Variants in OGG1 observed in about 807,000 individuals in gnomAD.
The protein encoded by OGG1 is N-glycosylase/DNA lyase.
In OGG1, 35 loss-of-function variants were observed where a neutral mutation model predicts 42.3. The ratio of observed to expected loss-of-function variants is 0.83; its 90% CI spans 0.63 to 1.10. OGG1 has a LOEUF of 1.10. OGG1 is among the 50% of genes least tolerant of loss of function. OGG1 has a pLI of 0.00. For synonymous variants in OGG1, 189 were observed against 179.0 expected, an observed-to-expected ratio of 1.06 and a Z score of -0.44; for missense variants, 484 against 446.7, an observed-to-expected ratio of 1.08 and a Z score of -0.75.
At chr3:9,766,185 G>A (rs1243771905) in exon 8 of OGG1, 13 of 822,626 alleles carry the variant, frequency 1.6e-5, no homozygotes, top group Middle Eastern at 2.2e-4. Context: ...AGCTAATGGC[G>A]ATCATCTTTG....
chr3:9,753,819 A>T (rs776951854), intron 3 of OGG1, among the ~76,000 whole-genome samples: 1 of 152,240 alleles, frequency 6.6e-6, no homozygotes, highest in Non-Finnish European at 1.5e-5. Context: ...AGCAATCATG[A>T]GGCAGTGTAG....
intron 3 of OGG1, chr3:9,785,276 C>CG: frequency 6.6e-7 from 1 of 1,511,488 alleles, no homozygotes; most frequent in Non-Finnish European, 9.2e-7. Context: ...CCAACAGAAG[C>CG]GGGGGCCAGA....
At chr3:9,761,654 G>C (rs902884716), downstream of OGG1, 1 of 1,614,160 alleles carries the variant, frequency 6.2e-7, no homozygotes. Flanking sequence ...AGTTCCACAG[G>C]CGGTGGAGAG....
chr3:9,780,929 A>G (rs2078445297), intron 2 of OGG1, among the ~76,000 whole-genome samples: 1 of 152,186 alleles, frequency 6.6e-6, no homozygotes, highest in African/African-American at 2.4e-5. Flanking sequence ...ACTTGAGCCC[A>G]GGAGTTCGAG....
intron 3 of OGG1, chr3:9,783,915 A>C: frequency 7.0e-7 from 1 of 1,418,556 alleles, no homozygotes; most frequent in Non-Finnish European, 9.2e-7. Flanking sequence ...TCTCCAGGTG[A>C]TTTAGAGGCC....
At chr3:9,757,614 T>G (rs1347280449), downstream of OGG1, 6 of 1,614,168 alleles carry the variant, frequency 3.7e-6, no homozygotes, top group Middle Eastern at 3.3e-4. The surrounding 1 kb of genome is among the most constrained non-coding windows in gnomAD (Gnocchi z 4.5). Context: ...AACAGCCAGC[T>G]GCCGGCCCTG....
At chr3:9,766,341 T>C in exon 8 of OGG1, 1 of 678,962 alleles carries the variant, frequency 1.5e-6, no homozygotes, top group Non-Finnish European at 2.7e-6. Context: ...TTTTGGATTA[T>C]GTGTACAGTT....
intron 2 of OGG1, among the ~76,000 whole-genome samples, chr3:9,777,697 CTATTTA>C (rs1225281048): frequency 6.6e-6 from 1 of 152,078 alleles, no homozygotes; most frequent in Non-Finnish European, 1.5e-5. Context: ...GTTCTTCTTT[CTATTTA>C]TATCTGTCTT....
intron 3 of OGG1, chr3:9,785,515 G>C (rs2078587442): frequency 2.4e-6 from 2 of 846,678 alleles, no homozygotes; most frequent in African/African-American, 3.3e-5. Flanking sequence ...TCAAACACCA[G>C]AAATATCCTT....
At chr3:9,786,897 C>G in intron 3 of OGG1, 2 of 1,021,062 alleles carry the variant, frequency 2.0e-6, no homozygotes, top group East Asian at 4.8e-5. Context: ...TTGCACCAAC[C>G]TATTTTTGCA....
chr3:9,754,735 G>C lies in OGG1; in HGVS notation c.597G>C (p.Leu199=). ...AGGTGGAGGCTCATCTCAGGAAGCT[G>C]GGCCTGGGCTATCGTGCCCGTTACG... ...GPEVEAHLRK[L]GLGYRARYVS... is the part of the protein sequence containing the mutation. The change falls in exon 4 of 7, where the codon CTG becomes CTC. Residue 199 remains leucine (L), a synonymous_variant. Transcript: ENST00000344629. The C allele has an allele frequency of 6.2e-7, 1 of 1,614,186 alleles. No homozygotes were observed. Among genetic ancestry groups the C allele is most frequent in the African/African-American group, 1.3e-5 (1 of 75,062 alleles).
chr3:9,757,081 GCGCCAATCC>G lies in OGG1; in HGVS notation c.975_983del (p.Gln325_Arg327del). On this transcript the variant is annotated inframe_deletion, in exon 7 of 7. Coordinates refer to ENST00000344629, the MANE Select transcript of OGG1 (RefSeq NM_002542.6). The surrounding 1 kb of genome is among the most constrained non-coding windows in gnomAD (Gnocchi z 4.5). Reference sequence around the variant, plus strand: ...TACAGGTGCTGTTCAGTGCCGACCTGCGCCAATCCCGCCATGCTCAGGAGCCACCAGCAA... The same window carrying G: ...TACAGGTGCTGTTCAGTGCCGACCTGCGCCATGCTCAGGAGCCACCAGCAA... 1 of 1,614,070 alleles carries G rather than the reference GCGCCAATCC, an allele frequency of 6.2e-7. No homozygotes were observed. The highest frequency in any genetic ancestry group is 1.1e-5 in the South Asian group (1 of 91,088).
intron 7 of OGG1, chr3:9,765,757 A>G (rs758924058): frequency 1.2e-6 from 2 of 1,613,922 alleles, no homozygotes; most frequent in Non-Finnish European, 8.5e-7. Context: ...TGGCCCACGC[A>G]CTTGTGCAGG....
At chr3:9,760,518 G>A (rs2077805082), downstream of OGG1, 3 of 772,982 alleles carry the variant, frequency 3.9e-6, no homozygotes, top group Non-Finnish European at 4.4e-6. Context: ...AAGGGGTAGG[G>A]TGTCTGGTCT....
At position 9,785,296 on chromosome 3, in the gene OGG1, G is replaced by A. The variant is rs373011207; in HGVS notation, c.383-2432G>A. ...AGAAGCGGGGGCCAGACTGTGGGTTGTGGATAGGACACCACTCACCTGAAG... is the reference window on the plus strand; with the variant it reads ...AGAAGCGGGGGCCAGACTGTGGGTTATGGATAGGACACCACTCACCTGAAG... On this transcript the variant is annotated intron_variant, in intron 3 of 3. Transcript: ENST00000426518. 6.9e-6 allele frequency: 11 copies of A among 1,587,254 alleles called. No homozygotes were observed. In the African/African-American group the frequency reaches 1.5e-4, roughly 21 times the overall value.
At chr3:9,779,457 G>C (rs561218429) in intron 2 of OGG1, among the ~76,000 whole-genome samples, 2 of 152,102 alleles carry the variant, frequency 1.3e-5, no homozygotes, top group Non-Finnish European at 2.9e-5. Context: ...CTCACCTTAG[G>C]CAGAGGTCGA....
downstream of OGG1, chr3:9,758,029 C>A: frequency 3.5e-6 from 3 of 852,552 alleles, no homozygotes; most frequent in Non-Finnish European, 5.2e-6. Flanking sequence ...TACACACACA[C>A]ACGCACATAT....
rs766327538 is a variant in OGG1, at chr3:9,756,799, G to A, written c.931G>A (p.Ala311Thr). The change falls in exon 6 of 7, where the codon GCT becomes ACT. Residue 311 changes from alanine (A) to threonine (T), a missense_variant. By Grantham distance (58) the Ala-to-Thr change is moderately conservative. Transcript: ENST00000344629. The part of the protein sequence containing the change: ...NFFRSLWGPY[A>T]GWAQAVLFSA... ...TTTCCGGAGCCTGTGGGGACCTTAT[G>A]CTGGCTGGGCCCAAGCGGTGAGTGT... 2 of 1,614,060 alleles carry A rather than the reference G, an allele frequency of 1.2e-6. No individual in the cohort carries two copies. The highest frequency in any genetic ancestry group is 1.7e-6 in the Non-Finnish European group (2 of 1,180,010).
Position 9,750,285 on chromosome 3 carries a change from A to C in OGG1, c.-2A>C, listed in dbSNP as rs1284115980. On this transcript the variant is annotated 5_prime_UTR_variant, in exon 1 of 7. Transcript: ENST00000344629. ...TACTACGGGGCGGTGCCTGCTGTGG[A>C]AATGCCTGCCCGCGCGCTTCTGCCC... is the stretch of plus-strand genomic sequence containing the variant. 1.2e-6 allele frequency: 2 copies of C among 1,609,846 alleles called. No individual in the cohort carries two copies. The highest frequency in any genetic ancestry group is 2.2e-5 in the East Asian group (1 of 44,808).
Sources: allele counts gnomAD v4.1 joint callset (sites outside exome capture counted in the v4.1 genomes callset), GRCh38; gene constraint gnomAD v4.1.1; non-coding constraint Gnocchi (gnomAD v3.1); transcripts MANE v1.5; gene names NCBI Gene and HGNC (gene_info 2026-07-23, HGNC 2026-07-21).